Variants in SCOC observed in about 807,000 individuals in gnomAD.
SCOC encodes the protein short coiled-coil protein.
SCOC carries 7 observed loss-of-function variants against 9.9 expected under a neutral mutation model. The ratio of observed to expected loss-of-function variants is 0.71; its 90% CI spans 0.40 to 1.33. SCOC has a LOEUF of 1.33. Ranked by LOEUF, SCOC falls within the 40% of genes most tolerant of loss-of-function variation. SCOC has a pLI of 0.01. For missense variants in SCOC, 66 were observed against 89.7 expected, an observed-to-expected ratio of 0.74 and a Z score of 1.07; for synonymous variants, 19 against 28.2, an observed-to-expected ratio of 0.67 and a Z score of 1.03.
intron 2 of SCOC, among the ~76,000 whole-genome samples, chr4:140,367,305 G>A (rs1342693681): frequency 3.9e-5 from 6 of 152,134 alleles, no homozygotes; most frequent in Non-Finnish European, 8.8e-5. Flanking sequence ...GCTCTTCAGA[G>A]AATTACTTTA....
chr4:140,318,737 C>A (rs938422020), intron 1 of SCOC, among the ~76,000 whole-genome samples: 1 of 148,836 alleles, frequency 6.7e-6, no homozygotes, highest in Non-Finnish European at 1.5e-5. Context: ...TGGGTATATA[C>A]CCAAATGACT....
Position 140,357,702 on chromosome 4 carries a change from C to G in SCOC, c.70+13994C>G, listed in dbSNP as rs1286065543. 2.0e-5 allele frequency among the ~76,000 whole-genome samples: 3 copies of G among 152,318 alleles called. No individual in the cohort carries two copies. The East Asian group carries it at 5.8e-4, about 29-fold the overall frequency. On this transcript the variant is annotated intron_variant, in intron 2 of 4. Transcript: ENST00000338517. ...CACATTAGGATTATGACCTTAAATT[C>G]TACATATCAGATATGCCACTTTGTC...
upstream of SCOC, among the ~76,000 whole-genome samples, chr4:140,371,232 G>C (rs1346713211): frequency 1.3e-5 from 2 of 152,084 alleles, no homozygotes; most frequent in African/African-American, 4.8e-5. Context: ...CCAACCTGTG[G>C]CTTGTTTTTT....
chr4:140,304,584 T>C (rs1731909702), intron 1 of SCOC, among the ~76,000 whole-genome samples: 1 of 152,206 alleles, frequency 6.6e-6, no homozygotes, highest in Admixed American at 6.5e-5. Context: ...CAACAGATAC[T>C]AATGTCTTCA....
Position 140,336,654 on chromosome 4 carries a change from C to T in SCOC, c.-18-6967C>T, listed in dbSNP as rs143434993. ...TGATGGGCATTTGGGTTTTTTCTAC[C>T]TTTTGGCTACTATAAATAATGCTGC... On this transcript the variant is annotated intron_variant, in intron 1 of 4. Coordinates refer to the SCOC transcript ENST00000394205. Among the ~76,000 whole-genome samples, 549 of 152,146 alleles carry T rather than the reference C, an allele frequency of 3.6e-3. 3 individuals are homozygous for T. The highest frequency in any genetic ancestry group is 0.011 in the African/African-American group (445 of 41,510).
rs139256921 is a variant in SCOC, at chr4:140,379,670, A to G, written c.106+18A>G. The stretch of plus-strand genomic sequence containing the variant: ...ACTTGAAGGTTGGCTTGCATTTTGT[A>G]GTTTATTTGAATGACAGCCAATTAA... On this transcript the variant is annotated intron_variant, in intron 3 of 3. Transcript: ENST00000608372. The G allele has an allele frequency of 2.1e-3, 3,314 of 1,559,066 alleles. 16 individuals carry two copies. Among genetic ancestry groups the G allele is most frequent in the Middle Eastern group, 3.3e-3 (17 of 5,204 alleles).
chr4:140,340,808 T>TTTTTCC (rs140552446), upstream of SCOC, among the ~76,000 whole-genome samples: 1 of 111,814 alleles, frequency 8.9e-6, no homozygotes, highest in Non-Finnish European at 1.8e-5. Flanking sequence ...TTTTTTTTTT[T>TTTTTCC]AGAGGGATAG....
chr4:140,270,920 C>T (rs1730830193), intron 1 of SCOC, among the ~76,000 whole-genome samples: 1 of 152,152 alleles, frequency 6.6e-6, no homozygotes. Flanking sequence ...TAAGTCATAT[C>T]TTCACCAAGG....
intron 1 of SCOC, among the ~76,000 whole-genome samples, chr4:140,280,209 T>C (rs534364104): frequency 1.9e-4 from 29 of 152,256 alleles, no homozygotes; most frequent in East Asian, 5.8e-4. Context: ...CTCAAACTCC[T>C]GGGTTCAAGT....
chr4:140,357,780 C>T (rs57363503), intron 2 of SCOC, among the ~76,000 whole-genome samples: 23,682 of 152,138 alleles, frequency 0.16, 2,293 homozygotes, highest in African/African-American at 0.26. Flanking sequence ...TACTACTTTT[C>T]CTAACCCATC....
intron 1 of SCOC, among the ~76,000 whole-genome samples, chr4:140,271,206 G>T (rs1730837640): frequency 6.6e-6 from 1 of 152,196 alleles, no homozygotes; most frequent in African/African-American, 2.4e-5. Context: ...AGAGACGATG[G>T]ATGATGGGCA....
intron 1 of SCOC, among the ~76,000 whole-genome samples, chr4:140,280,961 T>C (rs1055615006): frequency 6.6e-6 from 1 of 152,184 alleles, no homozygotes; most frequent in African/African-American, 2.4e-5. Flanking sequence ...ATTTCATCTA[T>C]ATTGCTACAA....
chr4:140,301,644 C>G (rs1408580077), intron 1 of SCOC, among the ~76,000 whole-genome samples: 2 of 152,168 alleles, frequency 1.3e-5, no homozygotes, highest in Non-Finnish European at 2.9e-5. Flanking sequence ...CTTGATCAGT[C>G]TTGCCTGGCT....
intron 1 of SCOC, among the ~76,000 whole-genome samples, chr4:140,267,663 G>C (rs1730758372): frequency 6.6e-6 from 1 of 152,076 alleles, no homozygotes; most frequent in Non-Finnish European, 1.5e-5. Context: ...TCCACTAAGG[G>C]TCCAGCCTCC....
chr4:140,335,663 T>C (rs1560706507), intron 1 of SCOC, among the ~76,000 whole-genome samples: 1 of 152,206 alleles, frequency 6.6e-6, no homozygotes, highest in African/African-American at 2.4e-5. Context: ...TAATTGGTAC[T>C]GAGAGCTCTT....
rs1392542849 is a variant in SCOC, at chr4:140,383,849, C to CA, written c.*2748dup. 6.6e-6 allele frequency: 1 copy of CA among 152,192 alleles called. No individual in the cohort carries two copies. The highest frequency in any genetic ancestry group is 1.9e-4 in the East Asian group (1 of 5,194). The allele number at this position is 152,192 out of a possible 1,614,324, so 9.4% of individuals were successfully genotyped here. A position where few individuals can be genotyped will look rare whatever the true frequency, so the allele number is the denominator to read the frequency against. ...ACAACCAAGCTTTTGACCAAATTCT[C>CA]AAAGTATGTATTATTTTTGCCTTTC... On this transcript the variant is annotated 3_prime_UTR_variant, in exon 4 of 4. Transcript: ENST00000608372.
chr4:140,369,293 T>C (rs1337655248), upstream of SCOC: 1 of 446,146 alleles, frequency 2.2e-6, no homozygotes, highest in Admixed American at 2.5e-5. Context: ...AACAAATAGG[T>C]TATATTCTTT....
chr4:140,268,271 G>C (rs1389870791), intron 1 of SCOC, among the ~76,000 whole-genome samples: 1 of 152,138 alleles, frequency 6.6e-6, no homozygotes, highest in African/African-American at 2.4e-5. Context: ...CTTGTGTCTG[G>C]TTCAAATAGA....
At chr4:140,288,086 C>A (rs1419760827) in intron 1 of SCOC, among the ~76,000 whole-genome samples, 1 of 152,006 alleles carries the variant, frequency 6.6e-6, no homozygotes, top group Non-Finnish European at 1.5e-5. Flanking sequence ...ATATTTATCA[C>A]ACACATATGC....
Sources: allele counts gnomAD v4.1 joint callset (sites outside exome capture counted in the v4.1 genomes callset), GRCh38; gene constraint gnomAD v4.1.1; transcripts MANE v1.5; gene names NCBI Gene and HGNC (gene_info 2026-07-23, HGNC 2026-07-21).